The following EIF2S3B variants were observed in gnomAD, a reference collection of about 807,000 sequenced individuals.
The protein encoded by EIF2S3B is eukaryotic translation initiation factor 2 subunit gamma B.
A neutral mutation model predicts 26.4 loss-of-function variants in EIF2S3B; 16 were observed. The observed-to-expected ratio is 0.61, with a 90% confidence interval of 0.41 to 0.92. The LOEUF is 0.92. Among genes scored for constraint, EIF2S3B ranks in the 40% least tolerant of loss-of-function variants. EIF2S3B has a pLI of 0.00. For missense variants in EIF2S3B, 510 were observed against 575.5 expected, an observed-to-expected ratio of 0.89 and a Z score of 1.16; for synonymous variants, 183 against 204.4, an observed-to-expected ratio of 0.90 and a Z score of 0.89.
intron 1 of EIF2S3B, among the ~76,000 whole-genome samples, chr12:10,514,999 T>A (rs1043968022): frequency 5.3e-5 from 8 of 152,110 alleles, no homozygotes; most frequent in Non-Finnish European, 1.2e-4. Flanking sequence ...ATCTAAAAAT[T>A]TTTAACATAG....
chr12:10,514,978 C>T (rs1490043796), intron 1 of EIF2S3B, among the ~76,000 whole-genome samples: 2 of 152,062 alleles, frequency 1.3e-5, no homozygotes, highest in African/African-American at 4.8e-5. Flanking sequence ...TTTTCTTTGC[C>T]TTTAGGGGAA....
downstream of EIF2S3B, among the ~76,000 whole-genome samples, chr12:10,509,050 T>A (rs1864679352): frequency 6.6e-6 from 1 of 152,126 alleles, no homozygotes; most frequent in African/African-American, 2.4e-5. Context: ...TTTTAGAAAG[T>A]GGCATTCTTG....
intron 1 of EIF2S3B, among the ~76,000 whole-genome samples, chr12:10,516,773 G>C (rs563209951): frequency 8.2e-4 from 125 of 152,090 alleles, no homozygotes; most frequent in Middle Eastern, 3.4e-3. Flanking sequence ...TTATTATTTT[G>C]AGATACGTCC....
rs758620897 is a variant in EIF2S3B, at chr12:10,522,606, C to G, written c.1312C>G (p.His438Asp). Reference sequence around the variant, plus strand: ...CATCCATTGCATTCTCTTCCAGATTCATCTAATTCACCTTGATTTGATTAA... The same window carrying G: ...CATCCATTGCATTCTCTTCCAGATTGATCTAATTCACCTTGATTTGATTAA... Residue 438 changes from histidine (H) to aspartate (D), a missense_variant, in exon 2 of 2, where the codon CAT becomes GAT. Physicochemically the swap from His to Asp is moderately conservative, Grantham distance 81. Transcript: ENST00000322446. 5.8e-6 allele frequency: 4 copies of G among 689,276 alleles called. No homozygotes were observed. In the South Asian group the frequency reaches 6.2e-5, roughly 11 times the overall value. The allele number at this position is 689,276 out of a possible 1,614,324, so 42.7% of individuals were successfully genotyped here. A position where few individuals can be genotyped will look rare whatever the true frequency, so the allele number is the denominator to read the frequency against.
chr12:10,515,496 T>G (rs556580651), intron 1 of EIF2S3B, among the ~76,000 whole-genome samples: 1 of 152,192 alleles, frequency 6.6e-6, no homozygotes, highest in East Asian at 1.9e-4. Context: ...GAGGACAGTT[T>G]TGTAAAAACT....
At chr12:10,522,037 A>G (rs1864837902) in intron 1 of EIF2S3B, among the ~76,000 whole-genome samples, 1 of 152,264 alleles carries the variant, frequency 6.6e-6, no homozygotes, top group Admixed American at 6.5e-5. Flanking sequence ...TTATGTTAAT[A>G]TTATACTAAA....
chr12:10,514,966 C>A (rs73070532), intron 1 of EIF2S3B, among the ~76,000 whole-genome samples: 1 of 151,974 alleles, frequency 6.6e-6, no homozygotes, highest in Non-Finnish European at 1.5e-5. Flanking sequence ...ATCATCTAAT[C>A]GTTTTCTTTG....
At chr12:10,519,998 T>C (rs1864812578) in intron 1 of EIF2S3B, among the ~76,000 whole-genome samples, 1 of 151,774 alleles carries the variant, frequency 6.6e-6, no homozygotes, top group Non-Finnish European at 1.5e-5. Flanking sequence ...GACCCAGCCA[T>C]CCCATTACTG....
At position 10,506,169 on chromosome 12, in the gene EIF2S3B, T is replaced by C. The variant is rs1258734792; in HGVS notation, c.267T>C (p.Tyr89=). ...IKLGYANAKI[Y]QLDDPSCPRP... is the part of the protein sequence containing the mutation. Reference sequence around the variant, plus strand: ...TTGGATATGCTAATGCTAAGATTTATCAACTTGATGACCCAAGTTGCCCTC... The same window carrying C: ...TTGGATATGCTAATGCTAAGATTTACCAACTTGATGACCCAAGTTGCCCTC... Residue 89 remains tyrosine (Y), a synonymous_variant, in exon 1 of 1, where the codon TAT becomes TAC. Coordinates refer to ENST00000538173, the MANE Select transcript of EIF2S3B (RefSeq NM_001357734.3). 2.5e-6 allele frequency: 4 copies of C among 1,574,136 alleles called. No individual in the cohort carries two copies. Among genetic ancestry groups the C allele is most frequent in the Non-Finnish European group, 3.5e-6 (4 of 1,143,476 alleles).
chr12:10,511,735 A>C (rs146313263), downstream of EIF2S3B, among the ~76,000 whole-genome samples: 9 of 152,302 alleles, frequency 5.9e-5, no homozygotes, highest in Non-Finnish European at 1.2e-4. Flanking sequence ...TCTATGTTGA[A>C]GTTTATAATG....
chr12:10,507,182 T>G lies in EIF2S3B; in HGVS notation c.1280T>G (p.Ile427Ser). ...GCTGTCAAGGCCGATTTGGGCAAAA[T>G]TGTTTTGACCAATCCAGTGTGCACA... is the stretch of plus-strand genomic sequence containing the variant. Reference protein sequence around the residue: ...VSAVKADLGKIVLTNPVCTEV... With the variant: ...VSAVKADLGKSVLTNPVCTEV... The change falls in exon 1 of 1, where the codon ATT (isoleucine) becomes AGT (serine). Residue 427 changes from isoleucine (I) to serine (S), a missense_variant. By Grantham distance (142) the Ile-to-Ser change is moderately radical. Coordinates refer to ENST00000538173, the MANE Select transcript of EIF2S3B (RefSeq NM_001357734.3). The G allele has an allele frequency of 6.2e-7, 1 of 1,613,878 alleles. No individual in the cohort carries two copies. The highest frequency in any genetic ancestry group is 8.5e-7 in the Non-Finnish European group (1 of 1,179,780).
chr12:10,522,757 G>T lies in EIF2S3B; in HGVS notation c.*62G>T, dbSNP rs1047096650. The T allele has an allele frequency of 9.3e-6, 6 of 643,886 alleles. No homozygotes were observed. In the Admixed American group the frequency reaches 1.2e-4, roughly 13 times the overall value. The allele number at this position is 643,886 out of a possible 1,614,324, so 39.9% of individuals were successfully genotyped here. A position where few individuals can be genotyped will look rare whatever the true frequency, so the allele number is the denominator to read the frequency against. On this transcript the variant is annotated 3_prime_UTR_variant, in exon 2 of 2. Coordinates refer to the EIF2S3B transcript ENST00000322446. ...AAAACATGATCCCCTTTCTGCTCTG[G>T]AGATTCTTTGCAGGCTGTGATGCCC...
At position 10,507,727 on chromosome 12, in the gene EIF2S3B, A is replaced by C. The variant is rs1166372006; in HGVS notation, c.*406A>C. Reference sequence around the variant, plus strand: ...CCTGCCTCAGCCCCCCAAGTAGCTGAGATTACAGGTGTGTGCCACCACACG... The same window carrying C: ...CCTGCCTCAGCCCCCCAAGTAGCTGCGATTACAGGTGTGTGCCACCACACG... On this transcript the variant is annotated 3_prime_UTR_variant, in exon 1 of 1. Transcript: ENST00000538173. Among the ~76,000 whole-genome samples the C allele has an allele frequency of 1.3e-5, 2 of 152,104 alleles. No homozygotes were observed. The highest frequency in any genetic ancestry group is 1.3e-4 in the Admixed American group (2 of 15,280).
At chr12:10,511,220 A>G (rs967646179), downstream of EIF2S3B, among the ~76,000 whole-genome samples, 4 of 150,958 alleles carry the variant, frequency 2.6e-5, no homozygotes, top group Admixed American at 6.6e-5. Flanking sequence ...TTTCTCTTCT[A>G]TATCTTGTGT....
At chr12:10,513,884 G>A (rs537876573) in intron 1 of EIF2S3B, among the ~76,000 whole-genome samples, 17 of 151,250 alleles carry the variant, frequency 1.1e-4, no homozygotes, top group South Asian at 6.3e-4. Flanking sequence ...GCATGGTGGC[G>A]TATGCCTGTA....
chr12:10,522,693 T>C (rs573259762), exon 2 of EIF2S3B: 16 of 691,030 alleles, frequency 2.3e-5, no homozygotes, highest in Non-Finnish European at 4.2e-5. Flanking sequence ...AGCAAACTTC[T>C]AGGAAATCAT....
In EIF2S3B at chr12:10,506,659, G is replaced by A; in HGVS notation, c.757G>A (p.Glu253Lys). The stretch of plus-strand genomic sequence containing the variant: ...AGTACCCCCAAGAGACTTTACTTCA[G>A]AGCCCCGGCTTATTGTTATTAGATC... Reference protein sequence around the residue: ...IPVPPRDFTSEPRLIVIRSFD... With the variant: ...IPVPPRDFTSKPRLIVIRSFD... Residue 253 changes from glutamate (E) to lysine (K), a missense_variant, in exon 1 of 1, where the codon GAG (glutamate) becomes AAG (lysine). Glu to Lys is a moderately conservative substitution (Grantham distance 56, BLOSUM62 1). Coordinates refer to ENST00000538173, the MANE Select transcript of EIF2S3B (RefSeq NM_001357734.3). The A allele has an allele frequency of 6.2e-7, 1 of 1,613,904 alleles. No individual in the cohort carries two copies.
intron 1 of EIF2S3B, among the ~76,000 whole-genome samples, chr12:10,513,638 G>A (rs1465961716): frequency 1.3e-5 from 2 of 152,196 alleles, no homozygotes; most frequent in African/African-American, 4.8e-5. Context: ...TAGAATTCCT[G>A]AGCCATGTTC....
chr12:10,511,193 A>C (rs983905409), downstream of EIF2S3B, among the ~76,000 whole-genome samples: 14 of 151,258 alleles, frequency 9.3e-5, no homozygotes, highest in African/African-American at 3.4e-4. Flanking sequence ...TCTAGAAAGA[A>C]GGTTTTTTTT....
Sources: gnomAD v4.1 joint callset for allele counts (sites outside exome capture counted in the v4.1 genomes callset) on GRCh38, gnomAD v4.1.1 for gene constraint, MANE v1.5 for transcripts, NCBI Gene and HGNC (gene_info 2026-07-23, HGNC 2026-07-21) for gene names.